PCDHA1: variants seen among roughly 807,000 people sequenced by gnomAD.
PCDHA1 encodes protocadherin alpha 1, also known as protocadherin alpha-1.
PCDHA1 carries 42 observed loss-of-function variants against 61.3 expected under a neutral mutation model. That is an observed-to-expected ratio of 0.69 (90% CI 0.54 to 0.89). The LOEUF (loss-of-function observed/expected upper bound fraction) is 0.89. Among genes scored for constraint, PCDHA1 ranks in the 40% least tolerant of loss-of-function variants. The pLI is 0.00. For synonymous variants in PCDHA1, 610 were observed against 553.8 expected (o/e 1.10, Z -1.43); for missense variants, 1,256 against 1,235.3 (o/e 1.02, Z -0.25).
intron 1 of PCDHA1, chr5:140,822,670 G>A (rs1767391853): frequency 1.2e-6 from 2 of 1,608,054 alleles, no homozygotes; most frequent in South Asian, 1.1e-5. Flanking sequence ...TTCTAATACT[G>A]GTGAAATAAA....
intron 1 of PCDHA1, chr5:140,796,850 G>A: frequency 6.2e-7 from 1 of 1,614,106 alleles, no homozygotes; most frequent in African/African-American, 1.3e-5. Flanking sequence ...CTATACACGG[G>A]TGAGATCAGC....
chr5:140,850,861 C>A, intron 1 of PCDHA1: 2 of 1,592,808 alleles, frequency 1.3e-6, no homozygotes, highest in Admixed American at 3.4e-5. Flanking sequence ...ACGGGAGAAC[C>A]CTCTGCTTCC....
intron 1 of PCDHA1, chr5:140,927,791 G>C: frequency 6.2e-7 from 1 of 1,614,196 alleles, no homozygotes; most frequent in Admixed American, 1.7e-5. Context: ...GCTTCACTAG[G>C]TCCGCCTGAA....
rs373336324 is a variant in PCDHA1 at position 140,788,418 on chromosome 5, C to T, written c.2128C>T (p.Leu710=). The change falls in exon 1 of 4, where the codon CTG becomes TTG. Residue 710 remains leucine, a synonymous_variant. Coordinates refer to ENST00000504120, the MANE Select transcript of PCDHA1 (RefSeq NM_018900.4). The part of the protein sequence containing the change: ...LIIAICAVSS[L]LVLTLLLYTA... ...CATCGCCATCTGCGCGGTGTCCAGC[C>T]TGCTGGTGCTCACACTGCTGCTGTA... 2.3e-4 allele frequency: 369 copies of T among 1,614,026 alleles called. No individual in the cohort carries two copies. Among genetic ancestry groups the T allele is most frequent in the Non-Finnish European group, 3.0e-4 (359 of 1,180,010 alleles).
intron 3 of PCDHA1, among the ~76,000 whole-genome samples, chr5:141,002,971 T>C (rs138459473): frequency 6.6e-6 from 1 of 152,274 alleles, no homozygotes; most frequent in African/African-American, 2.4e-5. Flanking sequence ...TTCCTGAAAA[T>C]AGTATCCTTG....
intron 1 of PCDHA1, chr5:140,815,069 T>C (rs1392861131): frequency 6.6e-6 from 1 of 152,164 alleles, no homozygotes; most frequent in Admixed American, 6.5e-5. Flanking sequence ...TTTCAGGCTA[T>C]CCAGGTCTTT....
At chr5:140,830,280 G>T (rs2150184170) in intron 1 of PCDHA1, 1 of 1,613,766 alleles carries the variant, frequency 6.2e-7, no homozygotes, top group East Asian at 2.2e-5. Flanking sequence ...CCCACCGAGG[G>T]CGCGTGCACG....
At chr5:140,969,058 TG>T in intron 1 of PCDHA1, 2 of 1,614,166 alleles carry the variant, frequency 1.2e-6, no homozygotes, top group Non-Finnish European at 1.7e-6. Context: ...ACAACAATAT[TG>T]ATGCCAGGAT....
rs781841971 is a variant in PCDHA1 at position 140,801,694 on chromosome 5, CGTT to C, written c.2394+13015_2394+13017del. 5.0e-6 allele frequency: 8 copies of C among 1,613,998 alleles called. No individual in the cohort carries two copies. The South Asian group carries it at 7.7e-5, about 16-fold the overall frequency. On this transcript the variant is annotated intron_variant, in intron 1 of 3. Coordinates refer to ENST00000504120, the MANE Select transcript of PCDHA1 (RefSeq NM_018900.4). ...TCAGATGCAGATATCGGAACAAATT[CGTT>C]GTTGACTTACAGTCTTGATTCCACT...
chr5:140,928,547 A>T (rs782813761), intron 1 of PCDHA1: 5 of 1,614,206 alleles, frequency 3.1e-6, no homozygotes, highest in Middle Eastern at 3.3e-4. Context: ...AATGACAATT[A>T]TCCGGTTATC....
chr5:140,993,265 C>A (rs1196226593), intron 3 of PCDHA1, among the ~76,000 whole-genome samples: 1 of 152,062 alleles, frequency 6.6e-6, no homozygotes, highest in Non-Finnish European at 1.5e-5. Flanking sequence ...AAATTAGCTT[C>A]TTTGGTCTTT....
chr5:140,809,038 C>T (rs370669259), intron 1 of PCDHA1: 2 of 1,613,816 alleles, frequency 1.2e-6, no homozygotes, highest in South Asian at 2.2e-5. Flanking sequence ...GGACTGGTGG[C>T]GCGCGCATCC....
At chr5:140,848,624 C>T in intron 1 of PCDHA1, 2 of 1,593,432 alleles carry the variant, frequency 1.3e-6, no homozygotes, top group South Asian at 2.2e-5. Context: ...AACACGGCAC[C>T]TTCGTGGGCC....
intron 1 of PCDHA1, among the ~76,000 whole-genome samples, chr5:140,937,911 CA>C (rs200797202): frequency 0.5 from 59,181 of 117,836 alleles, 12,230 homozygotes; most frequent in African/African-American, 0.63. Flanking sequence ...GACTCCGTCT[CA>C]AAAAAAAAAA....
chr5:140,821,537 A>G (rs1240082650), intron 1 of PCDHA1: 6 of 468,714 alleles, frequency 1.3e-5, no homozygotes, highest in African/African-American at 1.2e-4. Context: ...TAAAACACTT[A>G]CCCTTTCATC....
rs1031755500 is a variant in PCDHA1 at position 140,856,096 on chromosome 5, G to T, written c.2394+67412G>T. ...TGGGGGTCCAGTGTCTGCTGCTCTC[G>T]CTTCTTCTCCTCGCAGCCTGGGAGG... On this transcript the variant is annotated intron_variant, in intron 1 of 3. Transcript: ENST00000504120. 7 of 1,597,458 alleles carry T rather than the reference G, an allele frequency of 4.4e-6. 1 individual carries two copies. The highest frequency in any genetic ancestry group is 6.0e-6 in the Non-Finnish European group (7 of 1,167,222).
In PCDHA1 at chr5:140,788,449, C is replaced by T. The variant is rs781822757; in HGVS notation, c.2159C>T (p.Ala720Val). ...GTGCTCACACTGCTGCTGTACACGG[C>T]GCTGCGGTGCTCAGTGCCGCCCACT... is the stretch of plus-strand genomic sequence containing the variant. ...LLVLTLLLYT[A>V]LRCSVPPTEG... The change falls in exon 1 of 4, where the codon GCG becomes GTG. Residue 720 changes from alanine to valine, a missense_variant. Coordinates refer to ENST00000504120, the MANE Select transcript of PCDHA1 (RefSeq NM_018900.4). The T allele has an allele frequency of 1.2e-6, 2 of 1,614,112 alleles. No homozygotes were observed. Among genetic ancestry groups the T allele is most frequent in the East Asian group, 2.2e-5 (1 of 44,876 alleles).
intron 1 of PCDHA1, chr5:140,824,242 G>C (rs2150133483): frequency 1.3e-6 from 2 of 1,484,408 alleles, no homozygotes; most frequent in Non-Finnish European, 1.9e-6. Flanking sequence ...AAATATTGTG[G>C]TACACAATTA....
At chr5:140,936,449 C>A (rs1245206418) in intron 1 of PCDHA1, among the ~76,000 whole-genome samples, 1 of 152,174 alleles carries the variant, frequency 6.6e-6, no homozygotes, top group African/African-American at 2.4e-5. Context: ...ATAACCACAT[C>A]TGTTTAGTGG....
Sources: gnomAD v4.1 joint callset for allele counts (sites outside exome capture counted in the v4.1 genomes callset) on GRCh38, gnomAD v4.1.1 for gene constraint, MANE v1.5 for transcripts, NCBI Gene and HGNC (gene_info 2026-07-23, HGNC 2026-07-21) for gene names.